The following TPH2 variants were observed in gnomAD, a reference collection of about 807,000 sequenced individuals.
The protein encoded by TPH2 is tryptophan 5-hydroxylase 2.
Under a neutral mutation model 59.1 loss-of-function variants are expected in TPH2, and 27 were observed. That is an observed-to-expected ratio of 0.46 (90% CI 0.34 to 0.63). The LOEUF (loss-of-function observed/expected upper bound fraction) is 0.63, where lower values mean the gene tolerates loss of function less well. Among genes scored for constraint, TPH2 ranks in the 30% least tolerant of loss-of-function variants. TPH2 has a pLI of 0.01. For missense variants in TPH2, 523 were observed against 588.3 expected, an observed-to-expected ratio of 0.89 and a Z score of 1.15; for synonymous variants, 220 against 210.5, an observed-to-expected ratio of 1.05 and a Z score of -0.39.
At chr12:71,947,627 G>A (rs943560826) in intron 4 of TPH2, among the ~76,000 whole-genome samples, 5 of 151,862 alleles carry the variant, frequency 3.3e-5, no homozygotes, top group African/African-American at 1.2e-4. Context: ...GTTTTATCCG[G>A]TAACCCTATC....
In TPH2 at chr12:72,031,569, C is replaced by G. The variant is rs1348999323; in HGVS notation, c.1347C>G (p.Pro449=). ...ITRPFSVYFN[P]YTQSIEILKD... ...GTCCCTTCTCAGTATACTTCAATCC[C>G]TACACACAGAGTATTGAAATTCTGA... Residue 449 remains proline (P), a synonymous_variant, in exon 11 of 11, where the codon CCC becomes CCG. Transcript: ENST00000333850. 1 of 1,613,506 alleles carries G rather than the reference C, an allele frequency of 6.2e-7. No individual in the cohort carries two copies. The highest frequency in any genetic ancestry group is 8.5e-7 in the Non-Finnish European group (1 of 1,179,656).
intron 9 of TPH2, among the ~76,000 whole-genome samples, chr12:72,029,247 C>G (rs1159387805): frequency 6.6e-6 from 1 of 152,190 alleles, no homozygotes; most frequent in East Asian, 1.9e-4. Context: ...GGAGCCATGG[C>G]TTTAATGTTC....
Position 71,983,292 on chromosome 12 carries a change from C to T in TPH2, c.941+4205C>T, listed in dbSNP as rs191845265. Among the ~76,000 whole-genome samples the T allele has an allele frequency of 2.0e-5, 3 of 152,126 alleles. No individual in the cohort carries two copies. The East Asian group carries it at 5.8e-4, about 29-fold the overall frequency. On this transcript the variant is annotated intron_variant, in intron 7 of 10. Coordinates refer to ENST00000333850, the MANE Select transcript of TPH2 (RefSeq NM_173353.4). ...TTGAGCAGTGCCTGAGGCAATGAAT[C>T]TGCATTTCGGTATTGCCTGGCTCCA...
At chr12:72,026,025 G>A (rs1468928231) in intron 9 of TPH2, among the ~76,000 whole-genome samples, 2 of 152,148 alleles carry the variant, frequency 1.3e-5, no homozygotes, top group Non-Finnish European at 2.9e-5. Context: ...AGTTCTCTTG[G>A]AGAAGTGACA....
intron 9 of TPH2, 25 bp downstream of exon 9, chr12:72,022,519 C>T (rs1322692758): frequency 6.6e-7 from 1 of 1,515,352 alleles, no homozygotes; most frequent in South Asian, 1.1e-5. Context: ...ATGAAAATAC[C>T]CTTCCCATGC....
At chr12:71,945,488 C>T (rs1005905966) in intron 4 of TPH2, among the ~76,000 whole-genome samples, 2 of 152,054 alleles carry the variant, frequency 1.3e-5, no homozygotes, top group African/African-American at 4.8e-5. Context: ...GAAACCCAAG[C>T]AGATCACTAA....
intron 5 of TPH2, among the ~76,000 whole-genome samples, chr12:71,971,896 GA>G (rs1871982598): frequency 6.6e-6 from 1 of 152,164 alleles, no homozygotes. Context: ...GCTCTTTACA[GA>G]AAAAGTTTGC....
chr12:71,974,535 CTT>C (rs10574609), intron 6 of TPH2, among the ~76,000 whole-genome samples: 77,490 of 151,672 alleles, frequency 0.51, 20,496 homozygotes, highest in Middle Eastern at 0.59. Context: ...GATAAGGACT[CTT>C]ATGATTATAT....
intron 7 of TPH2, among the ~76,000 whole-genome samples, chr12:71,991,766 C>T (rs1372491529): frequency 2.0e-5 from 3 of 152,118 alleles, no homozygotes; most frequent in Non-Finnish European, 1.5e-5. Context: ...GAATTAGTTA[C>T]CCATCTACCT....
At chr12:71,992,509 T>C (rs1872603479) in intron 7 of TPH2, among the ~76,000 whole-genome samples, 1 of 145,988 alleles carries the variant, frequency 6.8e-6, no homozygotes, top group South Asian at 2.3e-4. Flanking sequence ...GGGGCTGAGG[T>C]GGGAGGATCG....
At chr12:71,993,627 G>A in intron 7 of TPH2, among the ~76,000 whole-genome samples, 1 of 152,152 alleles carries the variant, frequency 6.6e-6, no homozygotes, top group East Asian at 1.9e-4. Flanking sequence ...ACCTAGTTCA[G>A]GCTAACCAAA....
chr12:72,011,687 A>T (rs528212732), intron 8 of TPH2, among the ~76,000 whole-genome samples: 2 of 152,166 alleles, frequency 1.3e-5, no homozygotes, highest in African/African-American at 4.8e-5. Flanking sequence ...TGTCAGAATC[A>T]ATGGGTCTTC....
Position 71,941,624 on chromosome 12 carries a change from A to T in TPH2, c.146A>T (p.Asn49Ile). 6.2e-7 allele frequency: 1 copy of T among 1,614,116 alleles called. No individual in the cohort carries two copies. ...TCTGGCAAAAATGACGACAAAGGCA[A>T]CAAGGGAAGCAGCAAACGTGAAGCT... ...PNSGKNDDKG[N>I]KGSSKREAAT... The change falls in exon 2 of 11, where the codon AAC (asparagine) becomes ATC (isoleucine). Residue 49 changes from asparagine (N) to isoleucine (I), a missense_variant. Coordinates refer to ENST00000333850, the MANE Select transcript of TPH2 (RefSeq NM_173353.4).
intron 4 of TPH2, among the ~76,000 whole-genome samples, chr12:71,945,489 A>C (rs1279098971): frequency 6.6e-6 from 1 of 152,118 alleles, no homozygotes; most frequent in Non-Finnish European, 1.5e-5. Flanking sequence ...AAACCCAAGC[A>C]GATCACTAAC....
intron 9 of TPH2, among the ~76,000 whole-genome samples, chr12:72,027,258 A>G (rs1873596462): frequency 6.6e-6 from 1 of 152,200 alleles, no homozygotes; most frequent in African/African-American, 2.4e-5. Context: ...TTAATTCTCT[A>G]CGGGTTTCAG....
intron 8 of TPH2, among the ~76,000 whole-genome samples, chr12:72,009,913 G>T (rs1873055338): frequency 6.6e-6 from 1 of 152,178 alleles, no homozygotes; most frequent in South Asian, 2.1e-4. Flanking sequence ...ACAGTCTTTG[G>T]GGGTTAGGCA....
chr12:72,024,736 A>G (rs958584276), intron 9 of TPH2, among the ~76,000 whole-genome samples: 60 of 152,228 alleles, frequency 3.9e-4, no homozygotes, highest in Admixed American at 1.2e-3. Context: ...ATGTGTGGGC[A>G]GCACTAGGAT....
chr12:71,957,007 G>C (rs1039247389), intron 5 of TPH2, among the ~76,000 whole-genome samples: 1 of 152,176 alleles, frequency 6.6e-6, no homozygotes, highest in Non-Finnish European at 1.5e-5. Context: ...GAGGTAGCAT[G>C]GTGTAGCAGA....
intron 9 of TPH2, among the ~76,000 whole-genome samples, chr12:72,029,067 G>C (rs569841779): frequency 4.6e-5 from 7 of 152,312 alleles, no homozygotes; most frequent in South Asian, 2.1e-4. Flanking sequence ...ACTGATTTCA[G>C]TCTCTGTCAT....
Sources: gnomAD v4.1 joint callset for allele counts (sites outside exome capture counted in the v4.1 genomes callset) on GRCh38, gnomAD v4.1.1 for gene constraint, MANE v1.5 for transcripts, NCBI Gene and HGNC (gene_info 2026-07-23, HGNC 2026-07-21) for gene names.